The following LUZP2 variants were observed in gnomAD, a reference collection of about 807,000 sequenced individuals.
LUZP2 encodes the protein leucine zipper protein 2.
In LUZP2, 52 loss-of-function variants were observed where a neutral mutation model predicts 51.6. The observed-to-expected ratio is 1.01, with a 90% CI of 0.81 to 1.27. The LOEUF (loss-of-function observed/expected upper bound fraction) is 1.27, where lower values mean the gene tolerates loss of function less well. Among genes scored for constraint, LUZP2 ranks in the 50% most tolerant of loss-of-function variants. The probability of loss-of-function intolerance (pLI) is 0.00; values close to 1 mark genes in which losing one functional copy is unlikely to be tolerated. For synonymous variants in LUZP2, 154 were observed against 137.3 expected (o/e 1.12, Z -0.85); for missense variants, 436 against 395.4 (o/e 1.10, Z -0.87).
chr11:25,056,944 CAAA>C (rs539618274), intron 10 of LUZP2, among the ~76,000 whole-genome samples: 1 of 148,740 alleles, frequency 6.7e-6, no homozygotes, highest in Admixed American at 6.6e-5. Context: ...ACTAAAAATA[CAAA>C]AAATTAGCTG....
intron 1 of LUZP2, among the ~76,000 whole-genome samples, chr11:24,645,978 G>A (rs1855449177): frequency 6.6e-6 from 1 of 152,046 alleles, no homozygotes; most frequent in Admixed American, 6.6e-5. Flanking sequence ...GATAGAAATA[G>A]GGGTCCTGGA....
chr11:24,896,849 G>T (rs1159963228), intron 5 of LUZP2, among the ~76,000 whole-genome samples: 1 of 152,202 alleles, frequency 6.6e-6, no homozygotes, highest in Non-Finnish European at 1.5e-5. Context: ...CTGAAGGTTT[G>T]TAAACGCACC....
At chr11:24,993,115 A>T (rs1421295866) in intron 9 of LUZP2, among the ~76,000 whole-genome samples, 1 of 152,182 alleles carries the variant, frequency 6.6e-6, no homozygotes, top group Admixed American at 6.6e-5. Flanking sequence ...CTTGCTAAAA[A>T]TTAGAAACAT....
chr11:24,960,060 T>C (rs1354794973), intron 7 of LUZP2, among the ~76,000 whole-genome samples: 2 of 152,208 alleles, frequency 1.3e-5, no homozygotes, highest in African/African-American at 2.4e-5. Flanking sequence ...ATTTATTGAT[T>C]TGTGTATATT....
intron 1 of LUZP2, among the ~76,000 whole-genome samples, chr11:24,552,510 A>C (rs2133750699): frequency 6.6e-6 from 1 of 152,158 alleles, no homozygotes; most frequent in East Asian, 1.9e-4. Flanking sequence ...CAGTACTTTA[A>C]GAGAATAAGT....
Position 24,763,325 on chromosome 11 carries a change from CT to C in LUZP2, c.396+19del. On this transcript the variant is annotated intron_variant, in intron 5 of 11. Transcript: ENST00000336930. Reference sequence around the variant, plus strand: ...CAGAATGAGGTAAGATATATTTCATCTTAGATACATTTTATATAGATCAAAT... The same window carrying C: ...CAGAATGAGGTAAGATATATTTCATCTAGATACATTTTATATAGATCAAAT... The C allele has an allele frequency of 8.2e-7, 1 of 1,212,774 alleles. No homozygotes were observed. The highest frequency in any genetic ancestry group is 1.1e-6 in the Non-Finnish European group (1 of 892,064). 75.1% of individuals were successfully genotyped at this position (1,212,774 alleles called of 1,614,324 possible). A position where few individuals can be genotyped will look rare whatever the true frequency, so the allele number is the denominator to read the frequency against.
At chr11:24,993,866 G>C (rs566527821) in intron 9 of LUZP2, among the ~76,000 whole-genome samples, 2 of 151,338 alleles carry the variant, frequency 1.3e-5, no homozygotes, top group African/African-American at 4.8e-5. Flanking sequence ...CTTTTTTTTG[G>C]GGGGGGTGTG....
At chr11:24,795,638 C>T (rs953717283) in intron 5 of LUZP2, among the ~76,000 whole-genome samples, 3 of 152,032 alleles carry the variant, frequency 2.0e-5, no homozygotes, top group Non-Finnish European at 4.4e-5. Flanking sequence ...AGCTTTTTAC[C>T]AGGTTCTCCT....
intron 1 of LUZP2, among the ~76,000 whole-genome samples, chr11:24,597,952 T>G (rs758140301): frequency 2.6e-5 from 4 of 152,036 alleles, no homozygotes; most frequent in Non-Finnish European, 4.4e-5. Flanking sequence ...GATACAAAAA[T>G]TAGCCGGGTG....
chr11:25,076,298 G>C lies in LUZP2; in HGVS notation c.859-1031G>C, dbSNP rs138307064. On this transcript the variant is annotated intron_variant, in intron 10 of 11. Transcript: ENST00000336930. ...GGGCTTAAGCAATCCACCCACCTCA[G>C]CCTTGCAAAGTGCTGCAATTACAAG... is the stretch of plus-strand genomic sequence containing the variant. Among the ~76,000 whole-genome samples, 814 of 152,182 alleles carry C rather than the reference G, an allele frequency of 5.3e-3. 8 individuals are homozygous for C. The highest frequency in any genetic ancestry group is 0.019 in the African/African-American group (774 of 41,522).
intron 5 of LUZP2, among the ~76,000 whole-genome samples, chr11:24,874,355 G>T (rs1200003805): frequency 6.6e-6 from 1 of 152,140 alleles, no homozygotes; most frequent in African/African-American, 2.4e-5. Context: ...CTGTAGGCAG[G>T]TGAAACATGG....
chr11:24,848,140 T>C (rs192002345), intron 5 of LUZP2, among the ~76,000 whole-genome samples: 1 of 151,524 alleles, frequency 6.6e-6, no homozygotes, highest in Admixed American at 6.6e-5. Context: ...TAATATATGA[T>C]TGATATGATA....
At chr11:24,725,362 C>T (rs773671103) in intron 1 of LUZP2, among the ~76,000 whole-genome samples, 20 of 152,154 alleles carry the variant, frequency 1.3e-4, no homozygotes, top group Non-Finnish European at 2.6e-4. Flanking sequence ...CGTGTTAGGA[C>T]AACTGGCTAT....
Position 24,639,797 on chromosome 11 carries a change from C to CCT in LUZP2, c.63-89369_63-89368dup, listed in dbSNP as rs200340814. On this transcript the variant is annotated intron_variant, in intron 1 of 11. Transcript: ENST00000336930. ...GTAGTTCTGCACAAACCATCTCTTT[C>CCT]CTCTACTGTAATATGTGGACATTCT... Among the ~76,000 whole-genome samples, 1,310 of 151,876 alleles carry CCT rather than the reference C, an allele frequency of 8.6e-3. 42 individuals are homozygous for CCT. The highest frequency in any genetic ancestry group is 0.03 in the African/African-American group (1,231 of 41,254).
intron 1 of LUZP2, among the ~76,000 whole-genome samples, chr11:24,630,933 G>C (rs1854867805): frequency 6.6e-6 from 1 of 151,550 alleles, no homozygotes; most frequent in Non-Finnish European, 1.5e-5. Context: ...TTAAATATAT[G>C]TCTAGGTATC....
chr11:24,609,588 G>A (rs1854046943), intron 1 of LUZP2, among the ~76,000 whole-genome samples: 1 of 151,948 alleles, frequency 6.6e-6, no homozygotes, highest in African/African-American at 2.4e-5. Flanking sequence ...CAATTAGTGG[G>A]ATGTGGTGGC....
chr11:24,666,688 T>A (rs1856224834), intron 1 of LUZP2, among the ~76,000 whole-genome samples: 1 of 152,178 alleles, frequency 6.6e-6, no homozygotes. Flanking sequence ...AGAGATAGAT[T>A]CAGAGTTTAA....
At chr11:24,719,208 A>G (rs565545331) in intron 1 of LUZP2, among the ~76,000 whole-genome samples, 1 of 152,344 alleles carries the variant, frequency 6.6e-6, no homozygotes, top group African/African-American at 2.4e-5. Context: ...AATGCATATA[A>G]TGCTATTATA....
Position 24,540,971 on chromosome 11 carries a change from G to A in LUZP2, c.62+43666G>A, listed in dbSNP as rs532808913. Among the ~76,000 whole-genome samples, 17 of 151,924 alleles carry A rather than the reference G, an allele frequency of 1.1e-4. No homozygotes were observed. In the South Asian group the frequency reaches 2.9e-3, roughly 26 times the overall value. ...CACTTTAAGAAATGAGGTGATGGCC[G>A]GCTGGCCATGGTAGTTCACCTCTGT... On this transcript the variant is annotated intron_variant, in intron 1 of 11. Transcript: ENST00000336930.
Sources: gnomAD v4.1 joint callset for allele counts (sites outside exome capture counted in the v4.1 genomes callset) on GRCh38, gnomAD v4.1.1 for gene constraint, MANE v1.5 for transcripts, NCBI Gene and HGNC (gene_info 2026-07-23, HGNC 2026-07-21) for gene names.